Variants in EMSY observed in about 807,000 individuals in gnomAD.
The protein encoded by EMSY is EMSY transcriptional repressor, BRCA2 interacting.
A neutral mutation model predicts 134.6 loss-of-function variants in EMSY; 26 were observed. The observed-to-expected ratio is 0.19, with a 90% CI of 0.14 to 0.27. EMSY has a LOEUF of 0.27. EMSY is among the 10% of genes least tolerant of loss of function. EMSY has a pLI of 1.00. For missense variants in EMSY, 1,305 were observed against 1,611.4 expected (o/e 0.81, Z 3.26); for synonymous variants, 579 against 577.8 (o/e 1.00, Z -0.03).
At chr11:76,459,974 A>G (rs1948040466) in exon 6 of EMSY, 9 of 1,614,088 alleles carry the variant, frequency 5.6e-6, no homozygotes, top group African/African-American at 4.0e-5. Context: ...GTCAACCCCA[A>G]CCTCTACCCC....
chr11:76,531,338 G>A (rs1381453330), intron 14 of EMSY, among the ~76,000 whole-genome samples: 1 of 152,112 alleles, frequency 6.6e-6, no homozygotes, highest in Non-Finnish European at 1.5e-5. Flanking sequence ...ATTGCATTTA[G>A]CTGCATTTAA....
intron 14 of EMSY, among the ~76,000 whole-genome samples, chr11:76,532,256 C>T (rs142890541): frequency 9.2e-5 from 14 of 151,982 alleles, no homozygotes; most frequent in South Asian, 4.2e-4. Context: ...AAAGTTTCAC[C>T]GAATGAACAA....
intron 6 of EMSY, among the ~76,000 whole-genome samples, chr11:76,463,565 G>T (rs953984881): frequency 6.6e-6 from 1 of 150,908 alleles, no homozygotes; most frequent in East Asian, 2.0e-4. Context: ...GGAGCTTGCG[G>T]TGAGCCGAGA....
intron 13 of EMSY, among the ~76,000 whole-genome samples, chr11:76,527,220 C>T (rs61894546): frequency 0.27 from 40,930 of 151,750 alleles, 5,819 homozygotes; most frequent in Non-Finnish European, 0.32. Context: ...CTATTAGTTT[C>T]GGTTGAGAAA....
chr11:76,547,589 G>A lies in EMSY; in HGVS notation c.3774+1292G>A, dbSNP rs180733701. On this transcript the variant is annotated intron_variant, in intron 20 of 20. Coordinates refer to ENST00000334736, the Ensembl canonical transcript of EMSY. ...CATCAGTAAAATGGGAATCAGTAAT[G>A]CCTACTTTACAGGATTGATACAAGG... Among the ~76,000 whole-genome samples, 58 of 152,152 alleles carry A rather than the reference G, an allele frequency of 3.8e-4. 2 individuals are homozygous for A. Among genetic ancestry groups the A allele is most frequent in the Non-Finnish European group, 3.7e-4 (25 of 68,034 alleles).
intron 20 of EMSY, 65 bp downstream of exon 21, chr11:76,546,362 T>A: frequency 2.0e-6 from 3 of 1,525,076 alleles, no homozygotes; most frequent in Non-Finnish European, 2.6e-6. Flanking sequence ...GTTTGATATG[T>A]TTTTGACTTG....
exon 21 of EMSY, chr11:76,550,103 G>A (rs2136929628): frequency 2.5e-6 from 4 of 1,613,564 alleles, no homozygotes; most frequent in Non-Finnish European, 1.7e-6. Flanking sequence ...ACGGAGGATG[G>A]AACTGAACCC....
chr11:76,460,067 A>G, exon 6 of EMSY: 1 of 1,614,190 alleles, frequency 6.2e-7, no homozygotes, highest in Non-Finnish European at 8.5e-7. Flanking sequence ...GCCAAGTGGA[A>G]GTACTGTTTA....
At chr11:76,462,224 G>A (rs1335382298) in intron 6 of EMSY, among the ~76,000 whole-genome samples, 1 of 152,192 alleles carries the variant, frequency 6.6e-6, no homozygotes, top group Non-Finnish European at 1.5e-5. Context: ...GGGCAACAGT[G>A]TGAGACTCCA....
intron 8 of EMSY, 68 bp downstream of exon 9, chr11:76,472,908 G>C: frequency 6.5e-7 from 1 of 1,538,466 alleles, no homozygotes; most frequent in Non-Finnish European, 8.9e-7. Context: ...AACTTGGTGG[G>C]TATGTTTCTC....
At chr11:76,454,318 C>T (rs542568111) in intron 4 of EMSY, among the ~76,000 whole-genome samples, 10 of 152,066 alleles carry the variant, frequency 6.6e-5, no homozygotes, top group South Asian at 2.1e-4. Flanking sequence ...TTTTCAACAA[C>T]GTAGTTTGAA....
chr11:76,459,656 T>G (rs942266706), intron 5 of EMSY: 1 of 336,304 alleles, frequency 3.0e-6, no homozygotes, highest in African/African-American at 2.1e-5. Flanking sequence ...TTTTTCTCAG[T>G]ATAATTTTAA....
chr11:76,522,574 T>G (rs983020745), intron 11 of EMSY, among the ~76,000 whole-genome samples: 4 of 152,078 alleles, frequency 2.6e-5, no homozygotes, highest in Non-Finnish European at 5.9e-5. Flanking sequence ...TTCACCAGGC[T>G]GATCTTGAAC....
chr11:76,537,922 A>G, exon 16 of EMSY: 1 of 1,613,428 alleles, frequency 6.2e-7, no homozygotes, highest in Non-Finnish European at 8.5e-7. Context: ...TGGTAGAGTC[A>G]GAACTAGTAG....
At chr11:76,450,241 G>C (rs1380337210) in intron 2 of EMSY, among the ~76,000 whole-genome samples, 3 of 152,038 alleles carry the variant, frequency 2.0e-5, no homozygotes, top group Non-Finnish European at 2.9e-5. Context: ...TTCATAAATG[G>C]GGGAAGGCAT....
At chr11:76,452,867 A>T (rs1054112106) in intron 3 of EMSY, among the ~76,000 whole-genome samples, 80 of 152,158 alleles carry the variant, frequency 5.3e-4, no homozygotes, top group African/African-American at 1.9e-3. Context: ...TATTATATTC[A>T]TTGAACATTA....
intron 9 of EMSY, among the ~76,000 whole-genome samples, chr11:76,502,462 A>G (rs1949909390): frequency 6.7e-6 from 1 of 150,370 alleles, no homozygotes; most frequent in African/African-American, 2.4e-5. Context: ...TTAAAAAAAA[A>G]AAAGCATCCA....
Position 76,455,984 on chromosome 11 carries a change from A to G in EMSY, c.246-2199A>G, listed in dbSNP as rs9651739. 4.3e-3 allele frequency among the ~76,000 whole-genome samples: 650 copies of G among 152,250 alleles called. 6 individuals carry two copies. The highest frequency in any genetic ancestry group is 0.015 in the African/African-American group (614 of 41,542). Reference sequence around the variant, plus strand: ...GATGAGGATTTCTTACTGGTGCCTTATACACCAAAGGATATGTGGGCCAAG... The same window carrying G: ...GATGAGGATTTCTTACTGGTGCCTTGTACACCAAAGGATATGTGGGCCAAG... On this transcript the variant is annotated intron_variant, in intron 4 of 20. Coordinates refer to ENST00000334736, the Ensembl canonical transcript of EMSY.
chr11:76,516,627 C>T (rs1006648685), intron 11 of EMSY: 2 of 180,366 alleles, frequency 1.1e-5, no homozygotes, highest in Non-Finnish European at 2.3e-5. Context: ...CTATTCAGAC[C>T]CCATAACAAC....
Sources: gnomAD v4.1 joint callset for allele counts (sites outside exome capture counted in the v4.1 genomes callset) on GRCh38, gnomAD v4.1.1 for gene constraint, MANE v1.5 for transcripts, NCBI Gene and HGNC (gene_info 2026-07-23, HGNC 2026-07-21) for gene names.